PCCA: variants seen among roughly 807,000 people sequenced by gnomAD.
PCCA encodes the protein propionyl-CoA carboxylase alpha chain, mitochondrial.
PCCA carries 74 observed loss-of-function variants against 101.3 expected under a neutral mutation model. The observed-to-expected ratio is 0.73, with a 90% CI of 0.61 to 0.89. The LOEUF (loss-of-function observed/expected upper bound fraction) is 0.89, where lower values mean the gene tolerates loss of function less well. Among genes scored for constraint, PCCA ranks in the 40% least tolerant of loss-of-function variants. PCCA has a pLI of 0.00. For missense variants in PCCA, 891 were observed against 907.0 expected, an observed-to-expected ratio of 0.98 and a Z score of 0.23; for synonymous variants, 294 against 313.6, an observed-to-expected ratio of 0.94 and a Z score of 0.66.
At chr13:100,362,295 A>T (rs1023644287) in intron 18 of PCCA, among the ~76,000 whole-genome samples, 9 of 151,574 alleles carry the variant, frequency 5.9e-5, no homozygotes, top group African/African-American at 9.7e-5. Flanking sequence ...AGTAAAATTT[A>T]AAAAAAAATA....
intron 8 of PCCA, among the ~76,000 whole-genome samples, chr13:100,246,895 C>A (rs1276020026): frequency 6.7e-6 from 1 of 149,570 alleles, no homozygotes; most frequent in Non-Finnish European, 1.5e-5. Flanking sequence ...TTCAAAACTT[C>A]TAGTGAGTTT....
At chr13:100,351,346 G>C (rs2073245828) in intron 18 of PCCA, among the ~76,000 whole-genome samples, 1 of 152,090 alleles carries the variant, frequency 6.6e-6, no homozygotes, top group African/African-American at 2.4e-5. Context: ...AGTGAGATAA[G>C]TAAAAAACTT....
At chr13:100,159,084 C>CTTTTTTTT (rs11350199) in intron 6 of PCCA, among the ~76,000 whole-genome samples, 1 of 58,170 alleles carries the variant, frequency 1.7e-5, no homozygotes, top group African/African-American at 8.2e-5. Flanking sequence ...AAAATGCTGC[C>CTTTTTTTT]TTTTTTTTTT....
chr13:100,376,180 T>G (rs1595660666), intron 19 of PCCA, among the ~76,000 whole-genome samples: 2 of 152,340 alleles, frequency 1.3e-5, no homozygotes, highest in East Asian at 3.9e-4. Context: ...TAGCAGAGGC[T>G]GCAGAACAGC....
At chr13:100,112,365 C>T (rs763865785) in intron 4 of PCCA, among the ~76,000 whole-genome samples, 5 of 152,158 alleles carry the variant, frequency 3.3e-5, no homozygotes, top group Non-Finnish European at 7.3e-5. Context: ...AATGTTTACA[C>T]AGTGCTCCCT....
chr13:100,176,329 A>T (rs1057423074), intron 6 of PCCA, among the ~76,000 whole-genome samples: 1 of 152,206 alleles, frequency 6.6e-6, no homozygotes, highest in Non-Finnish European at 1.5e-5. Context: ...GGATTTGATT[A>T]CAAGTTACTT....
chr13:100,462,787 A>T (rs1364150835), intron 21 of PCCA, among the ~76,000 whole-genome samples: 1 of 152,254 alleles, frequency 6.6e-6, no homozygotes, highest in East Asian at 1.9e-4. Context: ...CTGGCAATTC[A>T]AAGGAAACAA....
At position 100,454,085 on chromosome 13, in the gene PCCA, A is replaced by T. The variant is rs530059039; in HGVS notation, c.1899+4780A>T. On this transcript the variant is annotated intron_variant, in intron 21 of 23. Transcript: ENST00000376285. ...GCAGGGTTTCACTGTGTTAGCCAGG[A>T]TGGTCTCGATCTCCTGACCTCATCA... Among the ~76,000 whole-genome samples the T allele has an allele frequency of 1.2e-3, 181 of 151,892 alleles. 1 individual carries two copies. The highest frequency in any genetic ancestry group is 4.2e-3 in the African/African-American group (175 of 41,420).
chr13:100,117,632 G>A (rs2048925194), intron 4 of PCCA, among the ~76,000 whole-genome samples: 2 of 152,124 alleles, frequency 1.3e-5, no homozygotes, highest in South Asian at 4.2e-4. Flanking sequence ...GTGGGGTTGG[G>A]GGATGGGGGA....
chr13:100,475,834 T>C (rs1156547092), intron 21 of PCCA, among the ~76,000 whole-genome samples: 1 of 152,236 alleles, frequency 6.6e-6, no homozygotes. Context: ...ATGGTCATCA[T>C]AGTGGCTATG....
intron 21 of PCCA, among the ~76,000 whole-genome samples, chr13:100,508,845 G>C (rs1477530958): frequency 6.6e-6 from 1 of 152,102 alleles, no homozygotes; most frequent in Non-Finnish European, 1.5e-5. Context: ...TTGTGCTGAC[G>C]TTGGTTTCCA....
At chr13:100,321,830 G>A (rs1333522497) in intron 16 of PCCA, among the ~76,000 whole-genome samples, 1 of 152,002 alleles carries the variant, frequency 6.6e-6, no homozygotes, top group Non-Finnish European at 1.5e-5. Context: ...TAGATACATA[G>A]CATCTCTTGA....
chr13:100,166,823 C>T (rs957512454), intron 6 of PCCA, among the ~76,000 whole-genome samples: 2 of 152,044 alleles, frequency 1.3e-5, no homozygotes, highest in African/African-American at 2.4e-5. Context: ...GTTTTATCTT[C>T]TTAGAATCTG....
chr13:100,214,818 TG>T (rs1232376277), intron 7 of PCCA, among the ~76,000 whole-genome samples: 1 of 152,168 alleles, frequency 6.6e-6, no homozygotes, highest in African/African-American at 2.4e-5. Flanking sequence ...CTATTGTAAA[TG>T]GGATTATTTT....
chr13:100,453,028 A>G (rs1187944108), intron 21 of PCCA, among the ~76,000 whole-genome samples: 1 of 150,958 alleles, frequency 6.6e-6, no homozygotes, highest in Non-Finnish European at 1.5e-5. Context: ...ACAAAGGGAG[A>G]CCCCATCCTT....
chr13:100,251,901 A>G (rs1047559696), intron 8 of PCCA, among the ~76,000 whole-genome samples: 1 of 152,120 alleles, frequency 6.6e-6, no homozygotes, highest in African/African-American at 2.4e-5. Context: ...TCAAACAACC[A>G]CCCTGGGTTC....
At chr13:100,487,817 C>G (rs2084512813) in intron 21 of PCCA, among the ~76,000 whole-genome samples, 1 of 151,946 alleles carries the variant, frequency 6.6e-6, no homozygotes, top group Non-Finnish European at 1.5e-5. Context: ...CTCAAAACTC[C>G]TGGGCTCAAG....
intron 2 of PCCA, among the ~76,000 whole-genome samples, chr13:100,111,335 G>A (rs946157235): frequency 6.6e-6 from 1 of 150,660 alleles, no homozygotes; most frequent in Non-Finnish European, 1.5e-5. Context: ...CAGCCTTTTT[G>A]TATTTTTAGT....
At chr13:100,413,915 A>T (rs2078201036) in intron 19 of PCCA, among the ~76,000 whole-genome samples, 1 of 152,222 alleles carries the variant, frequency 6.6e-6, no homozygotes, top group Non-Finnish European at 1.5e-5. Flanking sequence ...GAATGACCTT[A>T]TCACACCAAT....
Sources: gnomAD v4.1 joint callset for allele counts (sites outside exome capture counted in the v4.1 genomes callset) on GRCh38, gnomAD v4.1.1 for gene constraint, MANE v1.5 for transcripts, NCBI Gene and HGNC (gene_info 2026-07-23, HGNC 2026-07-21) for gene names.